Variants in RBM28 observed in about 807,000 individuals in gnomAD.
RBM28 encodes the protein RNA-binding protein 28.
In RBM28, 78 loss-of-function variants were observed where a neutral mutation model predicts 98.3. The observed-to-expected ratio is 0.79, with a 90% confidence interval of 0.66 to 0.96. The LOEUF (loss-of-function observed/expected upper bound fraction) is 0.96, where lower values mean the gene tolerates loss of function less well. Ranked by LOEUF, RBM28 falls within the 40% of genes least tolerant of loss-of-function variation. RBM28 has a pLI of 0.00. For missense variants in RBM28, 838 were observed against 913.0 expected, an observed-to-expected ratio of 0.92 and a Z score of 1.06; for synonymous variants, 306 against 330.9, an observed-to-expected ratio of 0.92 and a Z score of 0.82.
At chr7:128,333,057 A>G (rs540427326) in intron 9 of RBM28, among the ~76,000 whole-genome samples, 18 of 152,300 alleles carry the variant, frequency 1.2e-4, no homozygotes, top group Non-Finnish European at 2.5e-4. Context: ...TGCCAACCCA[A>G]TTACAAAGCA....
chr7:128,303,938 G>A lies in RBM28; in HGVS notation c.*6859C>T, dbSNP rs756407910. ...TAAGCATAAGGAACAGAATAGTTTC[G>A]AGGGAAGGATAAGAAAGAGAGTCGG... is the stretch of plus-strand genomic sequence containing the variant. On this transcript the variant is annotated 3_prime_UTR_variant, in exon 19 of 19. Transcript: ENST00000223073. 13 of 152,118 alleles carry A rather than the reference G, an allele frequency of 8.5e-5. No homozygotes were observed. The highest frequency in any genetic ancestry group is 1.8e-4 in the Non-Finnish European group (12 of 68,030). The allele number at this position is 152,118 out of a possible 1,614,324, so 9.4% of individuals were successfully genotyped here.
chr7:128,301,525 A>C lies in RBM28; in HGVS notation c.*9272T>G, dbSNP rs954271426. The C allele has an allele frequency of 6.6e-6, 1 of 152,470 alleles. No individual in the cohort carries two copies. Among genetic ancestry groups the C allele is most frequent in the African/African-American group, 2.4e-5 (1 of 41,462 alleles). The allele number at this position is 152,470 out of a possible 1,614,324, so 9.4% of individuals were successfully genotyped here. On this transcript the variant is annotated 3_prime_UTR_variant, in exon 19 of 19. Coordinates refer to ENST00000223073, the MANE Select transcript of RBM28 (RefSeq NM_018077.3). ...TCAGGACTTGGAGTCTCTTGGAAGG[A>C]GCCTCAGCCCTTCTCTTGGTTCCTG...
chr7:128,335,701 C>A lies in RBM28; in HGVS notation c.810-22G>T, dbSNP rs747269812. 5 of 1,614,120 alleles carry A rather than the reference C, an allele frequency of 3.1e-6. 1 individual carries two copies. The highest frequency in any genetic ancestry group is 1.7e-6 in the Non-Finnish European group (2 of 1,180,026). On this transcript the variant is annotated intron_variant, in intron 7 of 18. Transcript: ENST00000223073. ...TGCTCTGCAATGGCACAGATCAGAA[C>A]TAAGGAGGTGGGCTGACAGAGGGCC... is the stretch of plus-strand genomic sequence containing the variant.
Position 128,299,559 on chromosome 7 carries a change from T to C in RBM28, c.*11238A>G, listed in dbSNP as rs1332283942. On this transcript the variant is annotated 3_prime_UTR_variant, in exon 19 of 19. Transcript: ENST00000223073. The stretch of plus-strand genomic sequence containing the variant: ...AGCACCTGATTAGTATAATGACATA[T>C]GTTTCTCTTCACAGCAGTTTGTAAT... The C allele has an allele frequency of 2.0e-5, 3 of 152,236 alleles. No homozygotes were observed. Among genetic ancestry groups the C allele is most frequent in the African/African-American group, 7.2e-5 (3 of 41,442 alleles). The allele number at this position is 152,236 out of a possible 1,614,324, so 9.4% of individuals were successfully genotyped here. A position where few individuals can be genotyped will look rare whatever the true frequency, so the allele number is the denominator to read the frequency against.
At chr7:128,315,121 G>A (rs1315129198) in intron 16 of RBM28, 101 bp from the exon 17 acceptor site, 20 of 1,521,176 alleles carry the variant, frequency 1.3e-5, no homozygotes, top group Admixed American at 1.2e-4. Context: ...TGAAAGAAGA[G>A]GAATTCTTCC....
rs771503778 is a variant in RBM28 at position 128,338,778 on chromosome 7, T to C, written c.396A>G (p.Thr132=). The change falls in exon 4 of 19, where the codon ACA becomes ACG. Residue 132 remains threonine (T), a synonymous_variant. Coordinates refer to ENST00000223073, the MANE Select transcript of RBM28 (RefSeq NM_018077.3). ...SFKCSEDDLK[T]VFAQFGAVLE... ...GGACAGCTCCAAATTGAGCAAATACTGTCTTCAAGTCATCTTCTGAACACT... is the reference window on the plus strand; with the variant it reads ...GGACAGCTCCAAATTGAGCAAATACCGTCTTCAAGTCATCTTCTGAACACT... 3.7e-6 allele frequency: 6 copies of C among 1,611,592 alleles called. No individual in the cohort carries two copies. Among genetic ancestry groups the C allele is most frequent in the South Asian group, 3.3e-5 (3 of 91,026 alleles).
chr7:128,338,882 A>G, intron 3 of RBM28, 81 bp from the exon 4 acceptor site: 1 of 994,708 alleles, frequency 1.0e-6, no homozygotes. Context: ...AAATTCATTA[A>G]TTATGAAAAA....
intron 16 of RBM28, 102 bp from the exon 17 acceptor site, chr7:128,315,122 GA>G: frequency 6.6e-7 from 1 of 1,515,354 alleles, no homozygotes; most frequent in African/African-American, 1.4e-5. Flanking sequence ...GAAAGAAGAG[GA>G]ATTCTTCCCC....
At position 128,310,318 on chromosome 7, in the gene RBM28, T is replaced by C. The variant is rs1795953960; in HGVS notation, c.*479A>G. On this transcript the variant is annotated 3_prime_UTR_variant, in exon 19 of 19. Coordinates refer to ENST00000223073, the MANE Select transcript of RBM28 (RefSeq NM_018077.3). ...TCTCGCTTAGACAGTTCCTGCAGTG[T>C]GTAAGACTACAGAGCTGAATTAGGA... The C allele has an allele frequency of 4.4e-6, 1 of 228,386 alleles. No homozygotes were observed. 14.1% of individuals were successfully genotyped at this position (228,386 alleles called of 1,614,324 possible). A position where few individuals can be genotyped will look rare whatever the true frequency, so the allele number is the denominator to read the frequency against.
rs1562942799 is a variant in RBM28, at chr7:128,301,389, A to T, written c.*9408T>A. The T allele has an allele frequency of 1.3e-5, 2 of 152,310 alleles. No individual in the cohort carries two copies. The highest frequency in any genetic ancestry group is 2.9e-5 in the Non-Finnish European group (2 of 68,104). 9.4% of individuals were successfully genotyped at this position (152,310 alleles called of 1,614,324 possible). ...GGGAGATGGCTGTGAAAGTGGGCAA[A>T]GGGTGAGTCTCAGCTTCACAGGGCT... On this transcript the variant is annotated 3_prime_UTR_variant, in exon 19 of 19. Transcript: ENST00000223073.
Position 128,317,705 on chromosome 7 carries a change from T to C in RBM28, c.1742A>G (p.Asp581Gly), listed in dbSNP as rs776731852. The C allele has an allele frequency of 6.8e-6, 11 of 1,608,846 alleles. No homozygotes were observed. Among genetic ancestry groups the C allele is most frequent in the Non-Finnish European group, 9.4e-6 (11 of 1,175,232 alleles). ...TTCCTTCATTTTAAGTTTTCTTCGA[T>C]CTTCTAAAGAGAACTCCACTATTGG... Reference protein sequence around the residue: ...KRPIVEFSLEDRRKLKMKELR... With the variant: ...KRPIVEFSLEGRRKLKMKELR... The change falls in exon 16 of 19, where the codon GAT becomes GGT. Residue 581 changes from aspartate (D) to glycine (G), a missense_variant. Transcript: ENST00000223073.
intron 9 of RBM28, among the ~76,000 whole-genome samples, 153 bp from the exon 10 acceptor site, chr7:128,331,081 A>G (rs755437587): frequency 2.1e-4 from 32 of 152,200 alleles, no homozygotes; most frequent in Non-Finnish European, 4.3e-4. Flanking sequence ...CTTGGCCCCA[A>G]CTGACTTTCC....
chr7:128,300,313 G>C lies in RBM28; in HGVS notation c.*10484C>G, dbSNP rs1479720950. 6.6e-6 allele frequency: 1 copy of C among 152,222 alleles called. No individual in the cohort carries two copies. The highest frequency in any genetic ancestry group is 2.4e-5 in the African/African-American group (1 of 41,448). The allele number at this position is 152,222 out of a possible 1,614,324, so 9.4% of individuals were successfully genotyped here. A position where few individuals can be genotyped will look rare whatever the true frequency, so the allele number is the denominator to read the frequency against. Reference sequence around the variant, plus strand: ...GTTCTACCTGACCTGGACTCTGAGGGCTCTGAGCAGGGAAGGGTTAGAACC... The same window carrying C: ...GTTCTACCTGACCTGGACTCTGAGGCCTCTGAGCAGGGAAGGGTTAGAACC... On this transcript the variant is annotated 3_prime_UTR_variant, in exon 19 of 19. Coordinates refer to ENST00000223073, the MANE Select transcript of RBM28 (RefSeq NM_018077.3).
rs764807766 is a variant in RBM28, at chr7:128,310,868, A to G, written c.2209T>C (p.Tyr737His). ...ETRFNQLVEQ[Y>H]KQKLLGPSKG... ...GAAGGTCCCAATAATTTCTGCTTAT[A>G]TTGTTCGACCAGCTGGTTGAAGCGG... The change falls in exon 19 of 19, where the codon TAT (tyrosine) becomes CAT (histidine). Residue 737 changes from tyrosine to histidine, a missense_variant. Coordinates refer to ENST00000223073, the MANE Select transcript of RBM28 (RefSeq NM_018077.3). 9.9e-6 allele frequency: 16 copies of G among 1,613,916 alleles called. 1 individual carries two copies. Among genetic ancestry groups the G allele is most frequent in the African/African-American group, 2.7e-5 (2 of 74,914 alleles).
chr7:128,329,377 G>T (rs1374762585), intron 10 of RBM28, among the ~76,000 whole-genome samples: 1 of 152,244 alleles, frequency 6.6e-6, no homozygotes, highest in African/African-American at 2.4e-5. Flanking sequence ...GGGATTACAG[G>T]CGTGAGCCAC....
intron 18 of RBM28, among the ~76,000 whole-genome samples, chr7:128,312,280 G>A (rs1419898652): frequency 6.6e-6 from 1 of 152,226 alleles, no homozygotes; most frequent in African/African-American, 2.4e-5. Context: ...AGCTGGGCAT[G>A]GTGGCGCATG....
At position 128,321,375 on chromosome 7, in the gene RBM28, G is replaced by A; in HGVS notation, c.1454C>T (p.Ser485Phe). Residue 485 changes from serine (S) to phenylalanine (F), a missense_variant, in exon 14 of 19, where the codon TCC becomes TTC. Ser to Phe is a radical substitution (Grantham distance 155). Transcript: ENST00000223073. Reference sequence around the variant, plus strand: ...ATTGTGCAGGCAGAGCCTGGTTCGGGAGACAAAGATATTCTGGTCCTTGAG... The same window carrying A: ...ATTGTGCAGGCAGAGCCTGGTTCGGAAGACAAAGATATTCTGGTCCTTGAG... ...QKLKDQNIFV[S>F]RTRLCLHNLP... The A allele has an allele frequency of 6.8e-6, 11 of 1,614,208 alleles. No homozygotes were observed. Among genetic ancestry groups the A allele is most frequent in the Non-Finnish European group, 9.3e-6 (11 of 1,180,034 alleles).
chr7:128,342,596 G>C (rs1475248794), intron 1 of RBM28, among the ~76,000 whole-genome samples: 1 of 152,030 alleles, frequency 6.6e-6, no homozygotes, highest in Non-Finnish European at 1.5e-5. Context: ...GCAGGAGAAT[G>C]GGTTGAACCA....
intron 8 of RBM28, among the ~76,000 whole-genome samples, chr7:128,334,968 A>T (rs146924143): frequency 2.0e-5 from 3 of 152,350 alleles, no homozygotes; most frequent in South Asian, 4.1e-4. Context: ...AGAAGGCAGC[A>T]GTCTGCAAGC....
Sources: allele counts gnomAD v4.1 joint callset (sites outside exome capture counted in the v4.1 genomes callset), GRCh38; gene constraint gnomAD v4.1.1; transcripts MANE v1.5; gene names NCBI Gene and HGNC (gene_info 2026-07-23, HGNC 2026-07-21).